Variants in CFAP299 observed in about 807,000 individuals in gnomAD.
The protein encoded by CFAP299 is cilia- and flagella-associated protein 299.
CFAP299 carries 21 observed loss-of-function variants against 27.0 expected under a neutral mutation model. The ratio of observed to expected loss-of-function variants is 0.78; its 90% CI spans 0.55 to 1.12. The LOEUF (loss-of-function observed/expected upper bound fraction) is 1.12. CFAP299 is among the 50% of genes most tolerant of loss of function. The pLI, the probability that CFAP299 is intolerant of heterozygous loss-of-function variation, is 0.00. For synonymous variants in CFAP299, 104 were observed against 98.1 expected (o/e 1.06, Z -0.36); for missense variants, 310 against 276.6 (o/e 1.12, Z -0.86).
At position 80,465,244 on chromosome 4, in the gene CFAP299, T is replaced by G. The variant is rs1212393182; in HGVS notation, c.242+102360T>G. ...TTCTACTTTATATGATACTGTAATTTGGATAACTCAATTAAAAATGCTAGA... is the reference window on the plus strand; with the variant it reads ...TTCTACTTTATATGATACTGTAATTGGGATAACTCAATTAAAAATGCTAGA... On this transcript the variant is annotated intron_variant, in intron 2 of 5. Coordinates refer to ENST00000358105, the MANE Select transcript of CFAP299 (RefSeq NM_152770.3). Among the ~76,000 whole-genome samples, 4 of 152,192 alleles carry G rather than the reference T, an allele frequency of 2.6e-5. No individual in the cohort carries two copies. The East Asian group carries it at 7.7e-4, about 29-fold the overall frequency.
intron 3 of CFAP299, among the ~76,000 whole-genome samples, chr4:80,686,303 A>G (rs1287672706): frequency 2.0e-5 from 3 of 152,212 alleles, no homozygotes; most frequent in Non-Finnish European, 4.4e-5. Flanking sequence ...ACTTATGTCT[A>G]TGATGAAAAG....
intron 4 of CFAP299, 125 bp from the exon 5 acceptor site, chr4:80,944,685 A>G (rs1474267513): frequency 3.0e-6 from 2 of 666,600 alleles, no homozygotes. Context: ...TGTGTTCTAC[A>G]TGGTTGTATG....
intron 2 of CFAP299, among the ~76,000 whole-genome samples, chr4:80,565,439 C>CT (rs1455492855): frequency 6.6e-6 from 1 of 151,788 alleles, no homozygotes; most frequent in East Asian, 1.9e-4. Flanking sequence ...AGCAATATGA[C>CT]TAATTCTTTT....
At chr4:80,512,471 A>G (rs1732358254) in intron 2 of CFAP299, among the ~76,000 whole-genome samples, 1 of 152,076 alleles carries the variant, frequency 6.6e-6, no homozygotes. Flanking sequence ...TAGCCTAAGG[A>G]CTTATATTTT....
Position 80,799,829 on chromosome 4 carries a change from T to TA in CFAP299, c.334-70164_334-70163insA, listed in dbSNP as rs1290893507. On this transcript the variant is annotated intron_variant, in intron 3 of 5. Coordinates refer to ENST00000358105, the MANE Select transcript of CFAP299 (RefSeq NM_152770.3). ...TATATAAATATATATATTATATATA[T>TA]TTATATATTATATTATATAATATAT... 9.7e-3 allele frequency among the ~76,000 whole-genome samples: 214 copies of TA among 22,152 alleles called. 2 individuals are homozygous for TA. Among genetic ancestry groups the TA allele is most frequent in the African/African-American group, 0.094 (198 of 2,100 alleles). The allele number at this position is 22,152 out of a possible 152,430, so 14.5% of individuals were successfully genotyped here. A position where few individuals can be genotyped will look rare whatever the true frequency, so the allele number is the denominator to read the frequency against.
At chr4:80,949,139 A>C (rs1737630983) in intron 5 of CFAP299, among the ~76,000 whole-genome samples, 3 of 152,204 alleles carry the variant, frequency 2.0e-5, no homozygotes, top group African/African-American at 7.2e-5. Context: ...ACTTCAACAG[A>C]TTAAATGACT....
chr4:80,701,934 A>G lies in CFAP299; in HGVS notation c.333+118751A>G, dbSNP rs543482526. ...CTGCCATCTTGTGAAGGAACAGTTT[A>G]TGTTCTTTGTATGTGGCCAGGTTTT... On this transcript the variant is annotated intron_variant, in intron 3 of 5. Transcript: ENST00000358105. 3.3e-5 allele frequency among the ~76,000 whole-genome samples: 5 copies of G among 151,966 alleles called. No individual in the cohort carries two copies. In the East Asian group the frequency reaches 9.7e-4, roughly 29 times the overall value.
chr4:80,942,014 T>C (rs1411745434), intron 4 of CFAP299, among the ~76,000 whole-genome samples: 1 of 152,140 alleles, frequency 6.6e-6, no homozygotes, highest in East Asian at 1.9e-4. Flanking sequence ...ATCCAAACCA[T>C]ATCAATGGCT....
intron 2 of CFAP299, among the ~76,000 whole-genome samples, chr4:80,484,020 C>T (rs968887483): frequency 4.6e-5 from 7 of 151,946 alleles, no homozygotes; most frequent in Non-Finnish European, 7.4e-5. Context: ...ATTTAAATAC[C>T]GAAGAAGTAT....
intron 3 of CFAP299, among the ~76,000 whole-genome samples, chr4:80,794,222 C>G (rs1368089850): frequency 6.6e-6 from 1 of 152,186 alleles, no homozygotes; most frequent in Non-Finnish European, 1.5e-5. Flanking sequence ...AGATGGCAAT[C>G]TTAAGTTCCA....
At chr4:80,709,220 A>T (rs1414581454) in intron 3 of CFAP299, among the ~76,000 whole-genome samples, 1 of 152,108 alleles carries the variant, frequency 6.6e-6, no homozygotes, top group Non-Finnish European at 1.5e-5. Flanking sequence ...ATTCACCCAC[A>T]TGTTTTACCT....
At chr4:80,409,005 C>T (rs1388390499) in intron 2 of CFAP299, among the ~76,000 whole-genome samples, 1 of 137,478 alleles carries the variant, frequency 7.3e-6, no homozygotes, top group East Asian at 2.1e-4. Context: ...TGCTTAAGCC[C>T]GGGAGGCAGT....
intron 4 of CFAP299, among the ~76,000 whole-genome samples, chr4:80,919,001 G>A (rs936380691): frequency 6.6e-6 from 1 of 152,084 alleles, no homozygotes; most frequent in Non-Finnish European, 1.5e-5. Flanking sequence ...AATGAGAAGG[G>A]TGAAAGAAAA....
At chr4:80,633,933 T>G (rs1320543550) in intron 3 of CFAP299, among the ~76,000 whole-genome samples, 1 of 151,632 alleles carries the variant, frequency 6.6e-6, no homozygotes, top group African/African-American at 2.4e-5. Flanking sequence ...AGCCATGGAG[T>G]TATTGCAATA....
intron 2 of CFAP299, chr4:80,386,263 T>A: frequency 8.3e-7 from 1 of 1,199,098 alleles, no homozygotes. Flanking sequence ...CAGAGCCAGG[T>A]TGGAGCCCAG....
chr4:80,646,887 C>T (rs1331425909), intron 3 of CFAP299, among the ~76,000 whole-genome samples: 1 of 151,804 alleles, frequency 6.6e-6, no homozygotes, highest in Non-Finnish European at 1.5e-5. Flanking sequence ...ACGTATTCTT[C>T]GATCTGGCAG....
intron 4 of CFAP299, among the ~76,000 whole-genome samples, chr4:80,916,252 A>AATATATATAT (rs10696316): frequency 0.013 from 778 of 60,792 alleles, 25 homozygotes; most frequent in Middle Eastern, 0.023. Flanking sequence ...ACTAGACTGA[A>AATATATATAT]ATATATATAT....
At chr4:80,820,729 C>T (rs567662357) in intron 3 of CFAP299, among the ~76,000 whole-genome samples, 2 of 152,284 alleles carry the variant, frequency 1.3e-5, no homozygotes, top group East Asian at 3.9e-4. Context: ...CAGAATCATT[C>T]TCTTTGCGTC....
chr4:80,926,057 T>C (rs1224634701), intron 4 of CFAP299, among the ~76,000 whole-genome samples: 3 of 151,994 alleles, frequency 2.0e-5, no homozygotes, highest in African/African-American at 7.2e-5. Flanking sequence ...TGATATGATA[T>C]TTGAAGGATG....
Sources: gnomAD v4.1 joint callset for allele counts (sites outside exome capture counted in the v4.1 genomes callset) on GRCh38, gnomAD v4.1.1 for gene constraint, MANE v1.5 for transcripts, NCBI Gene and HGNC (gene_info 2026-07-23, HGNC 2026-07-21) for gene names.